The following ELP4 variants were observed in gnomAD, a reference collection of about 807,000 sequenced individuals.
ELP4 encodes the protein elongator complex protein 4.
ELP4 carries 51 observed loss-of-function variants against 48.9 expected under a neutral mutation model. That is an observed-to-expected ratio of 1.04 (90% CI 0.83 to 1.32). The LOEUF (loss-of-function observed/expected upper bound fraction) is 1.32. ELP4 is among the 40% of genes most tolerant of loss of function. The probability of loss-of-function intolerance (pLI) is 0.00; values close to 1 mark genes in which losing one functional copy is unlikely to be tolerated. For synonymous variants in ELP4, 210 were observed against 189.2 expected, an observed-to-expected ratio of 1.11 and a Z score of -0.90; for missense variants, 519 against 514.6, an observed-to-expected ratio of 1.01 and a Z score of -0.08.
chr11:31,758,735 C>T (rs993998085), intron 9 of ELP4, among the ~76,000 whole-genome samples: 2 of 149,562 alleles, frequency 1.3e-5, no homozygotes, highest in Non-Finnish European at 3.0e-5. Flanking sequence ...GGTGCAGTCA[C>T]AGCTCACAGC....
chr11:31,646,381 A>G (rs1945199009), intron 7 of ELP4: 1 of 151,786 alleles, frequency 6.6e-6, no homozygotes, highest in Admixed American at 6.6e-5. Context: ...AGGAGTTTCA[A>G]ATACTGCTCT....
At chr11:31,733,743 A>C (rs1461147517) in intron 9 of ELP4, among the ~76,000 whole-genome samples, 1 of 152,128 alleles carries the variant, frequency 6.6e-6, no homozygotes, top group African/African-American at 2.4e-5. Flanking sequence ...AACAAAGAAA[A>C]TCTCAGGACC....
Position 31,744,672 on chromosome 11 carries a change from T to G in ELP4, c.1144-38721T>G, listed in dbSNP as rs1592274401. On this transcript the variant is annotated intron_variant, in intron 9 of 9. Coordinates refer to ENST00000640961, the MANE Select transcript of ELP4 (RefSeq NM_019040.5). ...TATCTCAATAGATGCAGAGAAGGCC[T>G]TTGACAAAATTCAACAATGCTTCAT... Among the ~76,000 whole-genome samples the G allele has an allele frequency of 3.9e-5, 6 of 152,288 alleles. No individual in the cohort carries two copies. In the South Asian group the frequency reaches 1.2e-3, roughly 32 times the overall value.
chr11:31,690,422 T>G (rs7114356), intron 9 of ELP4, among the ~76,000 whole-genome samples: 91,259 of 150,944 alleles, frequency 0.6, 31,355 homozygotes, highest in Non-Finnish European at 0.76. Flanking sequence ...TTCTTTTTCC[T>G]AAAAAAAAAT....
chr11:31,624,369 G>T (rs1325688477), intron 5 of ELP4, among the ~76,000 whole-genome samples: 1 of 151,704 alleles, frequency 6.6e-6, no homozygotes, highest in Non-Finnish European at 1.5e-5. Flanking sequence ...TTACTGGACT[G>T]AATAGGCAAT....
At chr11:31,567,465 AG>A (rs1447191884) in intron 3 of ELP4, among the ~76,000 whole-genome samples, 2 of 152,200 alleles carry the variant, frequency 1.3e-5, no homozygotes, top group African/African-American at 4.8e-5. Context: ...AAAACAAGCA[AG>A]TTTTTGCATA....
intron 9 of ELP4, among the ~76,000 whole-genome samples, chr11:31,704,479 G>A (rs1946589189): frequency 6.6e-6 from 1 of 151,842 alleles, no homozygotes; most frequent in African/African-American, 2.4e-5. Flanking sequence ...ACACACCAGG[G>A]CCTGTTGTGG....
chr11:31,766,091 G>GA (rs1252020598), intron 9 of ELP4, among the ~76,000 whole-genome samples: 2 of 151,648 alleles, frequency 1.3e-5, no homozygotes, highest in Admixed American at 6.6e-5. Context: ...CTTTAATTTA[G>GA]AAAAAAATTG....
chr11:31,579,157 T>A (rs889047692), intron 3 of ELP4, among the ~76,000 whole-genome samples: 2 of 152,112 alleles, frequency 1.3e-5, no homozygotes, highest in Non-Finnish European at 2.9e-5. Flanking sequence ...AAGAAGACAT[T>A]TATGCAGCCA....
At position 31,790,111 on chromosome 11, in the gene ELP4, A is replaced by AAAAAAAAAAAAAAAT; in HGVS notation, c.*6596_*6597insAAAAATAAAAAAAAA. On this transcript the variant is annotated 3_prime_UTR_variant, in exon 10 of 10. Transcript: ENST00000640961. Reference sequence around the variant, plus strand: ...TTATAGGTTTACAAAAAAAAAAAAAAAAAAAAAAACTAATACTTTCTAACA... The same window carrying AAAAAAAAAAAAAAAT: ...TTATAGGTTTACAAAAAAAAAAAAAAAAAAAAAAAAAAAATAAAAAAAAACTAATACTTTCTAACA... 1.2e-6 allele frequency: 1 copy of AAAAAAAAAAAAAAAT among 802,490 alleles called. No individual in the cohort carries two copies. The highest frequency in any genetic ancestry group is 2.0e-6 in the Non-Finnish European group (1 of 498,164). 49.7% of individuals were successfully genotyped at this position (802,490 alleles called of 1,614,324 possible).
At chr11:31,522,591 A>T (rs189261105) in intron 2 of ELP4, among the ~76,000 whole-genome samples, 2 of 152,204 alleles carry the variant, frequency 1.3e-5, no homozygotes, top group Non-Finnish European at 2.9e-5. Context: ...ATTACTAACA[A>T]TGCTATTGTG....
chr11:31,577,488 C>CA lies in ELP4; in HGVS notation c.382-17275dup, dbSNP rs1254733241. Reference sequence around the variant, plus strand: ...CCTGGCAGAGACACAACAACAACAACAAAAAAAGATAATTTTAGACCAATA... The same window carrying CA: ...CCTGGCAGAGACACAACAACAACAACAAAAAAAAGATAATTTTAGACCAATA... On this transcript the variant is annotated intron_variant, in intron 3 of 9. Transcript: ENST00000640961. Among the ~76,000 whole-genome samples, 4 of 151,552 alleles carry CA rather than the reference C, an allele frequency of 2.6e-5. No individual in the cohort carries two copies. In the East Asian group the frequency reaches 7.7e-4, roughly 29 times the overall value.
intron 9 of ELP4, among the ~76,000 whole-genome samples, chr11:31,743,660 C>T (rs1446747516): frequency 3.9e-5 from 6 of 151,938 alleles, no homozygotes; most frequent in African/African-American, 1.2e-4. Flanking sequence ...GGGTACATAA[C>T]GAAATGAAGG....
At chr11:31,643,913 C>T (rs1945149398) in intron 7 of ELP4, among the ~76,000 whole-genome samples, 1 of 151,666 alleles carries the variant, frequency 6.6e-6, no homozygotes, top group Non-Finnish European at 1.5e-5. Flanking sequence ...CACCATTTGA[C>T]ATATTTTAAA....
intron 9 of ELP4, among the ~76,000 whole-genome samples, chr11:31,747,678 A>G (rs938543918): frequency 1.3e-5 from 2 of 152,246 alleles, no homozygotes; most frequent in Non-Finnish European, 2.9e-5. Flanking sequence ...CTGGAGAGAC[A>G]TGACATCAGT....
Position 31,783,502 on chromosome 11 carries a change from G to A in ELP4, c.1253G>A (p.Gly418Asp), listed in dbSNP as rs374722431. The change falls in exon 10 of 10, where the codon GGC (glycine) becomes GAC (aspartate). Residue 418 changes from glycine (G) to aspartate (D), a missense_variant. Transcript: ENST00000640961. ...LGPGCGMMAG[G>D]KKHLDF ...CCAGGCTGTGGCATGATGGCCGGAG[G>A]CAAGAAGCACCTGGACTTCTAGGGA... 4 of 1,613,962 alleles carry A rather than the reference G, an allele frequency of 2.5e-6. No homozygotes were observed. Among genetic ancestry groups the A allele is most frequent in the African/African-American group, 1.3e-5 (1 of 74,922 alleles).
At chr11:31,693,092 G>T (rs1045419027) in intron 9 of ELP4, among the ~76,000 whole-genome samples, 1 of 152,108 alleles carries the variant, frequency 6.6e-6, no homozygotes, top group African/African-American at 2.4e-5. Flanking sequence ...AGCAAGGGAC[G>T]TAGACTCTCC....
chr11:31,753,661 A>G (rs1019658644), intron 9 of ELP4, among the ~76,000 whole-genome samples: 10 of 152,252 alleles, frequency 6.6e-5, no homozygotes, highest in African/African-American at 2.4e-4. Context: ...ACTTCAGCAC[A>G]TAAATAAGAA....
At position 31,650,234 on chromosome 11, in the gene ELP4, TTA is replaced by T; in HGVS notation, c.1143+15_1143+16del. 1.1e-6 allele frequency: 1 copy of T among 889,476 alleles called. No homozygotes were observed. The highest frequency in any genetic ancestry group is 1.8e-6 in the Non-Finnish European group (1 of 559,128). The allele number at this position is 889,476 out of a possible 1,614,324, so 55.1% of individuals were successfully genotyped here. A position where few individuals can be genotyped will look rare whatever the true frequency, so the allele number is the denominator to read the frequency against. On this transcript the variant is annotated intron_variant, in intron 9 of 9. Transcript: ENST00000640961. Reference sequence around the variant, plus strand: ...ATTCACCATTGAGGTAAGAGAATTTTTATGTTTTAGTTTACAATCTTGAGATA... The same window carrying T: ...ATTCACCATTGAGGTAAGAGAATTTTTGTTTTAGTTTACAATCTTGAGATA...
Sources: gnomAD v4.1 joint callset for allele counts (sites outside exome capture counted in the v4.1 genomes callset) on GRCh38, gnomAD v4.1.1 for gene constraint, MANE v1.5 for transcripts, NCBI Gene and HGNC (gene_info 2026-07-23, HGNC 2026-07-21) for gene names.